The following GPR179 variants were observed in gnomAD, a reference collection of about 807,000 sequenced individuals.
The protein encoded by GPR179 is G protein-coupled receptor 179, also known as probable G protein-coupled receptor 179.
In GPR179, 52 loss-of-function variants were observed where a neutral mutation model predicts 70.8. The ratio of observed to expected loss-of-function variants is 0.73; its 90% CI spans 0.59 to 0.93. The LOEUF is 0.93. Among genes scored for constraint, GPR179 ranks in the 40% least tolerant of loss-of-function variants. GPR179 has a pLI of 0.00. For synonymous variants in GPR179, 1,123 were observed against 1,169.0 expected, an observed-to-expected ratio of 0.96 and a Z score of 0.80; for missense variants, 2,734 against 2,966.8, an observed-to-expected ratio of 0.92 and a Z score of 1.82.
chr17:38,329,452 G>A lies in GPR179; in HGVS notation c.4117C>T (p.Pro1373Ser). 2 of 1,614,018 alleles carry A rather than the reference G, an allele frequency of 1.2e-6. No individual in the cohort carries two copies. The highest frequency in any genetic ancestry group is 2.2e-5 in the East Asian group (1 of 44,864). ...WEAAGPEAHT[P>S]DITKAEPCPW... is the part of the protein sequence containing the mutation. Reference sequence around the variant, plus strand: ...CACGGCTCTGCCTTGGTGATGTCAGGGGTATGAGCTTCTGGGCCAGCAGCT... The same window carrying A: ...CACGGCTCTGCCTTGGTGATGTCAGAGGTATGAGCTTCTGGGCCAGCAGCT... Residue 1373 changes from proline (P) to serine (S), a missense_variant, in exon 11 of 11, where the codon CCT (proline) becomes TCT (serine). Pro to Ser is a moderately conservative substitution (Grantham distance 74). Transcript: ENST00000616987.
chr17:38,335,820 T>C, intron 5 of GPR179, 120 bp from the exon 6 acceptor site: 1 of 712,676 alleles, frequency 1.4e-6, no homozygotes, highest in Non-Finnish European at 2.5e-6. Flanking sequence ...CCACCTTCAT[T>C]CTGCAGAGGA....
Position 38,326,509 on chromosome 17 carries a change from C to T in GPR179, c.7060G>A (p.Glu2354Lys). Reference protein sequence around the residue: ...SGQVAFEAQYEEFTPPTVYPW... With the variant: ...SGQVAFEAQYKEFTPPTVYPW... ...TAGACAGTGGGAGGGGTGAATTCTT[C>T]ATACTGAGCTTCAAAAGCCACTTGG... The change falls in exon 11 of 11, where the codon GAA (glutamate) becomes AAA (lysine). Residue 2354 changes from glutamate (E) to lysine (K), a missense_variant. Physicochemically the swap from Glu to Lys is moderately conservative, Grantham distance 56 (BLOSUM62 1). Coordinates refer to ENST00000616987, the MANE Select transcript of GPR179 (RefSeq NM_001004334.4). The T allele has an allele frequency of 6.2e-7, 1 of 1,613,560 alleles. No homozygotes were observed. Among genetic ancestry groups the T allele is most frequent in the Non-Finnish European group, 8.5e-7 (1 of 1,179,564 alleles).
At chr17:38,333,609 C>T (rs1434265184) in intron 9 of GPR179, among the ~76,000 whole-genome samples, 1 of 152,206 alleles carries the variant, frequency 6.6e-6, no homozygotes, top group African/African-American at 2.4e-5. Context: ...CCTGACCCTG[C>T]AATTCCTAGC....
intron 1 of GPR179, among the ~76,000 whole-genome samples, chr17:38,341,740 T>C (rs1166674253): frequency 6.6e-6 from 1 of 152,194 alleles, no homozygotes; most frequent in East Asian, 1.9e-4. Context: ...GGCAGGATAG[T>C]GCGGCCTGCT....
In GPR179 at chr17:38,328,471, C is replaced by T; in HGVS notation, c.5098G>A (p.Gly1700Arg). 6.2e-7 allele frequency: 1 copy of T among 1,613,928 alleles called. No homozygotes were observed. The highest frequency in any genetic ancestry group is 8.5e-7 in the Non-Finnish European group (1 of 1,179,944). Reference sequence around the variant, plus strand: ...TCCCAGGGACAGATTTCTGCCTTCCCAGCAGTCAAGTTTTCCTCCACATCC... The same window carrying T: ...TCCCAGGGACAGATTTCTGCCTTCCTAGCAGTCAAGTTTTCCTCCACATCC... ...PLDVEENLTA[G>R]KAEICPWEVG... The change falls in exon 11 of 11, where the codon GGG becomes AGG. Residue 1700 changes from glycine to arginine, a missense_variant. Physicochemically the swap from Gly to Arg is moderately radical, Grantham distance 125. Coordinates refer to ENST00000616987, the MANE Select transcript of GPR179 (RefSeq NM_001004334.4).
Position 38,327,349 on chromosome 17 carries a change from C to A in GPR179, c.6220G>T (p.Val2074Leu). Residue 2074 changes from valine to leucine, a missense_variant, in exon 11 of 11, where the codon GTG becomes TTG. Transcript: ENST00000616987. ...CCATCTTGACTCTCCCAGGGACACA[C>A]AGCCTCCTGCTGCCTGAAGTCTGCC... ...EMADFRQQEA[V>L]CPWESQDGKG... 1 of 1,614,224 alleles carries A rather than the reference C, an allele frequency of 6.2e-7. No homozygotes were observed. The highest frequency in any genetic ancestry group is 1.1e-5 in the South Asian group (1 of 91,088).
Position 38,334,844 on chromosome 17 carries a change from T to C in GPR179, c.1646-2A>G. The stretch of plus-strand genomic sequence containing the variant: ...CCCAGCACAGCAGCAGCAGCTCAGC[T>C]GTGGGGAGACAGGGAGGGAGAGAGC... On this transcript the variant is annotated splice_acceptor_variant, in intron 7 of 10. Coordinates refer to ENST00000616987, the MANE Select transcript of GPR179 (RefSeq NM_001004334.4). LOFTEE classifies it high-confidence loss of function. This position sits in a 1 kb window ranked among gnomAD's most constrained non-coding sequence, Gnocchi z 4.7. 1 of 1,611,472 alleles carries C rather than the reference T, an allele frequency of 6.2e-7. No individual in the cohort carries two copies. The highest frequency in any genetic ancestry group is 8.5e-7 in the Non-Finnish European group (1 of 1,179,682).
In GPR179 at chr17:38,334,081, T is replaced by C. The variant is rs770159939; in HGVS notation, c.1785-43A>G. The C allele has an allele frequency of 9.6e-6, 13 of 1,355,552 alleles. No individual in the cohort carries two copies. The highest frequency in any genetic ancestry group is 1.3e-5 in the Non-Finnish European group (12 of 946,084). The allele number at this position is 1,355,552 out of a possible 1,614,324, so 84.0% of individuals were successfully genotyped here. ...CGCAGGTCATTACTGCAGGCAGGAG[T>C]TGCCTCTTCTGCTTTGCCTTCTCAC... On this transcript the variant is annotated intron_variant, in intron 8 of 10. Coordinates refer to ENST00000616987, the MANE Select transcript of GPR179 (RefSeq NM_001004334.4). This position sits in a 1 kb window ranked among gnomAD's most constrained non-coding sequence, Gnocchi z 4.7.
Position 38,330,728 on chromosome 17 carries a change from GC to G in GPR179, c.2840del (p.Gly947AlafsTer22). 1 of 1,587,610 alleles carries G rather than the reference GC, an allele frequency of 6.3e-7. No individual in the cohort carries two copies. On this transcript the variant is annotated frameshift_variant, in exon 11 of 11. Coordinates refer to ENST00000616987, the MANE Select transcript of GPR179 (RefSeq NM_001004334.4). LOFTEE classifies it low-confidence loss of function (END_TRUNC). ...GAGATAGCATCCTTGGCTCTCCCAG[GC>G]CCCCAGACAGGGCCAAGATGGGGGT... ...VSTPILALSG[G>X]LGEPRMLSPT...
In GPR179 at chr17:38,327,268, A is replaced by G; in HGVS notation, c.6301T>C (p.Ser2101Pro). Residue 2101 changes from serine (S) to proline (P), a missense_variant, in exon 11 of 11, where the codon TCT becomes CCT. Coordinates refer to ENST00000616987, the MANE Select transcript of GPR179 (RefSeq NM_001004334.4). ...PDASDRSRGS[S>P]EAAGSVETRV... ...GTCTCCACACTGCCTGCTGCCTCAG[A>G]ACTGCCTCTGCTTCTGTCAGAAGCA... 6.2e-7 allele frequency: 1 copy of G among 1,614,216 alleles called. No homozygotes were observed. The highest frequency in any genetic ancestry group is 8.5e-7 in the Non-Finnish European group (1 of 1,180,032).
Position 38,333,871 on chromosome 17 carries a change from T to G in GPR179, c.1890+62A>C, listed in dbSNP as rs946837488. On this transcript the variant is annotated intron_variant, in intron 9 of 10. Coordinates refer to ENST00000616987, the MANE Select transcript of GPR179 (RefSeq NM_001004334.4). ...GCAGAGGGCGCTGCGGGACAACCGC[T>G]CCACAGTGGCCCTGACAGAGGGGCT... is the stretch of plus-strand genomic sequence containing the variant. The G allele has an allele frequency of 1.4e-5, 18 of 1,311,468 alleles. No individual in the cohort carries two copies. The East Asian group carries it at 1.9e-4, about 14-fold the overall frequency. The allele number at this position is 1,311,468 out of a possible 1,614,324, so 81.2% of individuals were successfully genotyped here. A position where few individuals can be genotyped will look rare whatever the true frequency, so the allele number is the denominator to read the frequency against.
rs374041933 is a variant in GPR179 at position 38,330,588 on chromosome 17, G to A, written c.2981C>T (p.Pro994Leu). ...QSPNLLTYIC[P>L]WENAELPAKQ... ...GGCTGGCAGTTCTGCGTTCTCCCAG[G>A]GGCAGATGTAGGTGAGTAAGTTGGG... Residue 994 changes from proline (P) to leucine (L), a missense_variant, in exon 11 of 11, where the codon CCC becomes CTC. Physicochemically the swap from Pro to Leu is moderately conservative, Grantham distance 98. Transcript: ENST00000616987. 5.8e-5 allele frequency: 91 copies of A among 1,581,274 alleles called. No individual in the cohort carries two copies. In the African/African-American group the frequency reaches 1.1e-3, roughly 18 times the overall value.
At position 38,335,195 on chromosome 17, in the gene GPR179, C is replaced by T; in HGVS notation, c.1483G>A (p.Gly495Arg). Residue 495 changes from glycine to arginine, a missense_variant, in exon 7 of 11, where the codon GGG becomes AGG. Coordinates refer to ENST00000616987, the MANE Select transcript of GPR179 (RefSeq NM_001004334.4). ...CCCAGCACAGGTAGCAGGAGCAGCC[C>T]CAGGTGCCGCAGCAGCCGCCCGCTG... ...LSSGRLLRHL[G>R]LLLLPVLGFL... The T allele has an allele frequency of 1.9e-6, 3 of 1,563,652 alleles. No homozygotes were observed. Among genetic ancestry groups the T allele is most frequent in the Non-Finnish European group, 2.6e-6 (3 of 1,154,448 alleles).
intron 3 of GPR179, 99 bp downstream of exon 3, chr17:38,337,533 TC>T: frequency 9.5e-7 from 1 of 1,055,248 alleles, no homozygotes; most frequent in Non-Finnish European, 1.4e-6. Context: ...ACAAGTTCCC[TC>T]CCAGTGTCTC....
rs1252601592 is a variant in GPR179 at position 38,335,623 on chromosome 17, G to C, written c.1374C>G (p.Ile458Met). ...GCTTGAGTATGATGGTGCCGTAGAC[G>C]ATGGCAAAACCCAGCAGCCGCACCC... ...LRWVRLLGFAIVYGTIILKLY... is the reference protein window; with the variant it reads ...LRWVRLLGFAMVYGTIILKLY... Residue 458 changes from isoleucine to methionine, a missense_variant, in exon 6 of 11, where the codon ATC (isoleucine) becomes ATG (methionine). Physicochemically the swap from Ile to Met is conservative, Grantham distance 10. Coordinates refer to ENST00000616987, the MANE Select transcript of GPR179 (RefSeq NM_001004334.4). 2 of 1,613,842 alleles carry C rather than the reference G, an allele frequency of 1.2e-6. No individual in the cohort carries two copies. Among genetic ancestry groups the C allele is most frequent in the Non-Finnish European group, 1.7e-6 (2 of 1,179,732 alleles).
At position 38,330,738 on chromosome 17, in the gene GPR179, A is replaced by G. The variant is rs1252741275; in HGVS notation, c.2831T>C (p.Leu944Pro). 1 of 1,588,156 alleles carries G rather than the reference A, an allele frequency of 6.3e-7. No individual in the cohort carries two copies. The highest frequency in any genetic ancestry group is 2.2e-5 in the East Asian group (1 of 44,466). ...RHQVSTPILA[L>P]SGGLGEPRML... ...CCTTGGCTCTCCCAGGCCCCCAGAC[A>G]GGGCCAAGATGGGGGTAGAAACCTG... The change falls in exon 11 of 11, where the codon CTG becomes CCG. Residue 944 changes from leucine (L) to proline (P), a missense_variant. Coordinates refer to ENST00000616987, the MANE Select transcript of GPR179 (RefSeq NM_001004334.4).
rs755944983 is a variant in GPR179, at chr17:38,330,266, G to C, written c.3303C>G (p.Tyr1101Ter). The change falls in exon 11 of 11, where the codon TAC (tyrosine) becomes TAG (stop). Residue 1101 changes from tyrosine to a stop codon, truncating the protein, a stop_gained. Transcript: ENST00000616987. LOFTEE classifies it low-confidence loss of function (END_TRUNC). ...IKALTRSRST[Y>*]REKESVEESP... ...TCTCCTCCACACTCTCCTTCTCTCT[G>C]TAGGTGCTCCGAGAACGGGTCAGAG... 1 of 1,601,646 alleles carries C rather than the reference G, an allele frequency of 6.2e-7. No individual in the cohort carries two copies. The highest frequency in any genetic ancestry group is 1.1e-5 in the South Asian group (1 of 89,708).
At position 38,343,702 on chromosome 17, in the gene GPR179, G is replaced by A. The variant is rs369559405; in HGVS notation, c.88C>T (p.Arg30Trp). Residue 30 changes from arginine (R) to tryptophan (W), a missense_variant, in exon 1 of 11, where the codon CGG (arginine) becomes TGG (tryptophan). Physicochemically the swap from Arg to Trp is moderately radical, Grantham distance 101 (BLOSUM62 -3). Transcript: ENST00000616987. The surrounding 1 kb of genome is among the most constrained non-coding windows in gnomAD (Gnocchi z 4.2). ...AGAGGGGGCAGAGAGCGGATGGGCCGTGGACCCCCCAGAGCCCAGGCACAG... is the reference window on the plus strand; with the variant it reads ...AGAGGGGGCAGAGAGCGGATGGGCCATGGACCCCCCAGAGCCCAGGCACAG... ...FVCAWALGGP[R>W]PIRSLPPLSS... 2.1e-5 allele frequency: 34 copies of A among 1,600,618 alleles called. No homozygotes were observed. Among genetic ancestry groups the A allele is most frequent in the Admixed American group, 8.4e-5 (5 of 59,226 alleles).
At position 38,327,573 on chromosome 17, in the gene GPR179, G is replaced by A; in HGVS notation, c.5996C>T (p.Pro1999Leu). The part of the protein sequence containing the change: ...STGGRAADVC[P>L]WDVPDAGVYK... ...CACACCTGCATCAGGAACATCCCAT[G>A]GGCACACGTCAGCGGCCCTGCCCCC... is the stretch of plus-strand genomic sequence containing the variant. Residue 1999 changes from proline (P) to leucine (L), a missense_variant, in exon 11 of 11, where the codon CCA (proline) becomes CTA (leucine). Pro to Leu is a moderately conservative substitution (Grantham distance 98). Transcript: ENST00000616987. 2 of 1,614,086 alleles carry A rather than the reference G, an allele frequency of 1.2e-6. No individual in the cohort carries two copies. Among genetic ancestry groups the A allele is most frequent in the South Asian group, 2.2e-5 (2 of 91,058 alleles).
Sources: gnomAD v4.1 joint callset for allele counts (sites outside exome capture counted in the v4.1 genomes callset) on GRCh38, gnomAD v4.1.1 for gene constraint, Gnocchi (gnomAD v3.1) non-coding constraint, MANE v1.5 for transcripts, NCBI Gene and HGNC (gene_info 2026-07-23, HGNC 2026-07-21) for gene names.